The following TUSC3 variants were observed in gnomAD, a reference collection of about 807,000 sequenced individuals.
TUSC3 encodes the protein tumor suppressor candidate 3.
Under a neutral mutation model 44.8 loss-of-function variants are expected in TUSC3, and 45 were observed. The observed-to-expected ratio is 1.00, with a 90% confidence interval of 0.79 to 1.29. TUSC3 has a LOEUF of 1.29. Among genes scored for constraint, TUSC3 ranks in the 50% most tolerant of loss-of-function variants. The pLI, the probability that TUSC3 is intolerant of heterozygous loss-of-function variation, is 0.00. For missense variants in TUSC3, 519 were observed against 437.9 expected, an observed-to-expected ratio of 1.19 and a Z score of -1.65; for synonymous variants, 212 against 152.9, an observed-to-expected ratio of 1.39 and a Z score of -2.85.
At chr8:15,847,251 G>T in the TUSC3 span, among the ~76,000 whole-genome samples, 8 of 152,230 alleles carry the variant, frequency 5.3e-5, no homozygotes, top group Admixed American at 6.5e-5. Context: ...ACAGGGAAGA[G>T]AATGTGATTT....
chr8:15,656,282 A>G (rs1443749566), intron 3 of TUSC3, among the ~76,000 whole-genome samples: 3 of 152,140 alleles, frequency 2.0e-5, no homozygotes, highest in Non-Finnish European at 2.9e-5. Context: ...TCTTAACAAA[A>G]TCAGATATAG....
chr8:15,721,534 A>T (rs1490292501), intron 6 of TUSC3, among the ~76,000 whole-genome samples: 1 of 152,078 alleles, frequency 6.6e-6, no homozygotes, highest in African/African-American at 2.4e-5. Context: ...TAATTACAGC[A>T]TAGATTTATG....
chr8:15,667,492 T>C (rs1447214025), intron 5 of TUSC3, among the ~76,000 whole-genome samples: 1 of 151,654 alleles, frequency 6.6e-6, no homozygotes, highest in Non-Finnish European at 1.5e-5. Flanking sequence ...GTCATTAAAT[T>C]ACTTATAACT....
intron 1 of TUSC3, among the ~76,000 whole-genome samples, chr8:15,547,717 A>T (rs560460884): frequency 1.1e-4 from 17 of 151,438 alleles, no homozygotes; most frequent in African/African-American, 3.9e-4. Flanking sequence ...GCCCTCATGA[A>T]TTAGATTAGT....
chr8:15,796,513 G>A, the TUSC3 span, among the ~76,000 whole-genome samples: 2 of 152,174 alleles, frequency 1.3e-5, no homozygotes, highest in South Asian at 4.1e-4. Flanking sequence ...ACATACTTGA[G>A]AGAACCACAT....
At chr8:15,780,459 A>G in the TUSC3 span, among the ~76,000 whole-genome samples, 27 of 152,304 alleles carry the variant, frequency 1.8e-4, no homozygotes, top group Admixed American at 3.3e-4. Flanking sequence ...CAGAAAAAAA[A>G]GTGCAGTTTT....
At chr8:15,461,910 CTA>C (rs1800351130) in intron 1 of TUSC3, among the ~76,000 whole-genome samples, 1 of 151,832 alleles carries the variant, frequency 6.6e-6, no homozygotes, top group Admixed American at 6.6e-5. Context: ...CTGTATGAAA[CTA>C]TAGTATGGAT....
intron 1 of TUSC3, among the ~76,000 whole-genome samples, chr8:15,477,802 T>G (rs192100802): frequency 3.3e-5 from 5 of 152,276 alleles, no homozygotes; most frequent in East Asian, 3.9e-4. Flanking sequence ...GTCAAAGAAT[T>G]CTACATGTGA....
chr8:15,458,546 A>G (rs941329261), intron 1 of TUSC3, among the ~76,000 whole-genome samples: 1 of 152,130 alleles, frequency 6.6e-6, no homozygotes, highest in African/African-American at 2.4e-5. Flanking sequence ...GCCAGTGCTT[A>G]TTTCATTATT....
At chr8:15,473,235 T>C (rs1182916921) in intron 1 of TUSC3, among the ~76,000 whole-genome samples, 1 of 152,222 alleles carries the variant, frequency 6.6e-6, no homozygotes, top group African/African-American at 2.4e-5. Flanking sequence ...TTGCAAGCTT[T>C]CTAGCATAAC....
At chr8:15,842,074 A>C in the TUSC3 span, among the ~76,000 whole-genome samples, 35 of 152,192 alleles carry the variant, frequency 2.3e-4, no homozygotes, top group African/African-American at 8.2e-4. Flanking sequence ...CACGTTTCTT[A>C]TTCCTCAGAA....
At chr8:15,453,150 C>G (rs1278253994) in intron 1 of TUSC3, among the ~76,000 whole-genome samples, 1 of 152,128 alleles carries the variant, frequency 6.6e-6, no homozygotes, top group African/African-American at 2.4e-5. Context: ...CAACACACAG[C>G]TTATACATGT....
At chr8:15,611,444 C>T (rs1180290212) in intron 1 of TUSC3, among the ~76,000 whole-genome samples, 4 of 152,168 alleles carry the variant, frequency 2.6e-5, no homozygotes, top group Non-Finnish European at 5.9e-5. Context: ...GCACCGGCCT[C>T]CCAAAGTGCT....
chr8:15,571,174 G>C (rs990232895), intron 1 of TUSC3, among the ~76,000 whole-genome samples: 2 of 151,576 alleles, frequency 1.3e-5, no homozygotes, highest in Non-Finnish European at 2.9e-5. Flanking sequence ...GGCTGGTCTC[G>C]AACTCCTGAC....
chr8:15,685,198 G>T (rs1808579429), intron 6 of TUSC3, among the ~76,000 whole-genome samples: 1 of 152,096 alleles, frequency 6.6e-6, no homozygotes, highest in Non-Finnish European at 1.5e-5. Context: ...GTCTTTGGGG[G>T]TCTTGGGAAA....
chr8:15,627,763 G>A (rs760587912), intron 2 of TUSC3, among the ~76,000 whole-genome samples: 3 of 152,234 alleles, frequency 2.0e-5, no homozygotes, highest in Non-Finnish European at 2.9e-5. Flanking sequence ...TGCACGCCCT[G>A]CTCTAGCCAG....
At chr8:15,616,684 G>T (rs1804998928) in intron 1 of TUSC3, among the ~76,000 whole-genome samples, 1 of 152,154 alleles carries the variant, frequency 6.6e-6, no homozygotes, top group Non-Finnish European at 1.5e-5. Flanking sequence ...GCTGTGGGTG[G>T]CAGGAAGGAG....
chr8:15,696,926 CT>C (rs957879321), intron 6 of TUSC3, among the ~76,000 whole-genome samples: 2 of 151,796 alleles, frequency 1.3e-5, no homozygotes, highest in African/African-American at 4.8e-5. Flanking sequence ...TGGTCCTGGA[CT>C]TTTTTTTGTT....
chr8:15,594,207 T>A (rs1395662524), intron 1 of TUSC3, among the ~76,000 whole-genome samples: 1 of 152,190 alleles, frequency 6.6e-6, no homozygotes, highest in Non-Finnish European at 1.5e-5. Flanking sequence ...AATCTTTTCA[T>A]CTGCTGTTAA....
Sources: gnomAD v4.1 joint callset for allele counts (sites outside exome capture counted in the v4.1 genomes callset) on GRCh38, gnomAD v4.1.1 for gene constraint, MANE v1.5 for transcripts, NCBI Gene and HGNC (gene_info 2026-07-23, HGNC 2026-07-21) for gene names.